The following KHDRBS2 variants were observed in gnomAD, a reference collection of about 807,000 sequenced individuals.
KHDRBS2 encodes KH domain-containing, RNA-binding, signal transduction-associated protein 2.
In KHDRBS2, 26 loss-of-function variants were observed where a neutral mutation model predicts 44.3. That is an observed-to-expected ratio of 0.59 (90% confidence interval 0.43 to 0.81). The LOEUF is 0.81. KHDRBS2 is among the 40% of genes least tolerant of loss of function. The pLI is 0.00. For synonymous variants in KHDRBS2, 194 were observed against 151.1 expected (o/e 1.28, Z -2.08); for missense variants, 476 against 433.1 (o/e 1.10, Z -0.88).
At chr6:61,631,355 C>CA in the KHDRBS2 span, among the ~76,000 whole-genome samples, 2 of 127,332 alleles carry the variant, frequency 1.6e-5, no homozygotes, top group African/African-American at 5.9e-5. Context: ...CAGTGTGTTA[C>CA]ATTTTCTGGT....
intron 6 of KHDRBS2, among the ~76,000 whole-genome samples, chr6:61,772,718 C>G (rs1235304234): frequency 6.6e-6 from 1 of 151,842 alleles, no homozygotes; most frequent in East Asian, 1.9e-4. Flanking sequence ...TATACATGTG[C>G]CACGCTGGTG....
chr6:61,898,826 G>T lies in KHDRBS2; in HGVS notation c.611+2418C>A, dbSNP rs374637801. On this transcript the variant is annotated intron_variant, in intron 5 of 8. Coordinates refer to ENST00000281156, the MANE Select transcript of KHDRBS2 (RefSeq NM_152688.4). ...TATCATACTTACTTAATACTTTTAA[G>T]GGAGGTATTTAGGAGCAATAGGGAG... is the stretch of plus-strand genomic sequence containing the variant. Among the ~76,000 whole-genome samples, 36 of 151,972 alleles carry T rather than the reference G, an allele frequency of 2.4e-4. No homozygotes were observed. The East Asian group carries it at 2.5e-3, about 11-fold the overall frequency.
chr6:62,169,148 T>C (rs1276461939), intron 2 of KHDRBS2, among the ~76,000 whole-genome samples: 2 of 99,782 alleles, frequency 2.0e-5, no homozygotes, highest in Non-Finnish European at 4.2e-5. Context: ...CATATATGTG[T>C]GTATATATAC....
the KHDRBS2 span, among the ~76,000 whole-genome samples, chr6:61,599,462 C>T: frequency 0.053 from 3,716 of 69,826 alleles, 71 homozygotes; most frequent in Middle Eastern, 0.25. Context: ...GAAGATGTAG[C>T]CCCCCCAAAA....
In KHDRBS2 at chr6:61,744,404, G is replaced by A. The variant is rs1776587416; in HGVS notation, c.811-11640C>T. 2.0e-5 allele frequency among the ~76,000 whole-genome samples: 3 copies of A among 152,120 alleles called. No homozygotes were observed. The South Asian group carries it at 6.2e-4, about 31-fold the overall frequency. On this transcript the variant is annotated intron_variant, in intron 6 of 8. Transcript: ENST00000281156. ...CAAACCTGCTCTTACTTTGGGGATA[G>A]ATGCTATCCATTCTTTATGTTACTA...
intron 2 of KHDRBS2, among the ~76,000 whole-genome samples, chr6:62,075,711 C>CT (rs1285971884): frequency 6.6e-6 from 1 of 151,844 alleles, no homozygotes; most frequent in Non-Finnish European, 1.5e-5. Context: ...TCATCCCAGG[C>CT]TTTATGCCAT....
At chr6:61,775,861 T>C (rs9444960) in intron 6 of KHDRBS2, among the ~76,000 whole-genome samples, 98,256 of 152,020 alleles carry the variant, frequency 0.65, 32,563 homozygotes, top group African/African-American at 0.8. Context: ...AGAACAAAGC[T>C]GGAGGCAACA....
At chr6:61,725,579 C>A (rs1773416437) in intron 7 of KHDRBS2, among the ~76,000 whole-genome samples, 1 of 151,436 alleles carries the variant, frequency 6.6e-6, no homozygotes, top group South Asian at 2.1e-4. Context: ...AGAAAAGAAT[C>A]AAATAAACAC....
chr6:62,042,661 A>G (rs960475623), intron 3 of KHDRBS2, among the ~76,000 whole-genome samples: 1 of 152,058 alleles, frequency 6.6e-6, no homozygotes, highest in African/African-American at 2.4e-5. Flanking sequence ...TCACACCCAT[A>G]TTGCCCACTA....
intron 1 of KHDRBS2, among the ~76,000 whole-genome samples, chr6:62,223,284 G>C (rs1211314777): frequency 6.6e-6 from 1 of 152,212 alleles, no homozygotes; most frequent in Non-Finnish European, 1.5e-5. Flanking sequence ...TGAAGCTATG[G>C]TGCGAGCTCT....
At chr6:61,806,041 T>C (rs1787106994) in intron 6 of KHDRBS2, among the ~76,000 whole-genome samples, 1 of 152,218 alleles carries the variant, frequency 6.6e-6, no homozygotes, top group Non-Finnish European at 1.5e-5. Context: ...TATTCACTGA[T>C]GCTGTGGCAA....
intron 6 of KHDRBS2, among the ~76,000 whole-genome samples, chr6:61,842,675 C>A (rs1259075778): frequency 6.6e-6 from 1 of 152,090 alleles, no homozygotes; most frequent in Non-Finnish European, 1.5e-5. Context: ...TTATGAAAAA[C>A]AATCAGGCAG....
intron 4 of KHDRBS2, among the ~76,000 whole-genome samples, chr6:61,965,674 T>C (rs898293307): frequency 1.3e-5 from 2 of 151,752 alleles, no homozygotes; most frequent in Non-Finnish European, 2.9e-5. Flanking sequence ...TTCCAAAGAA[T>C]CATAAATAAA....
intron 1 of KHDRBS2, among the ~76,000 whole-genome samples, chr6:62,256,986 C>T (rs541025783): frequency 3.1e-4 from 47 of 152,220 alleles, no homozygotes; most frequent in African/African-American, 1.1e-3. Flanking sequence ...TAAGCACATC[C>T]TATGCCATGT....
chr6:61,748,278 C>A (rs1042452161), intron 6 of KHDRBS2, among the ~76,000 whole-genome samples: 1 of 152,138 alleles, frequency 6.6e-6, no homozygotes, highest in African/African-American at 2.4e-5. Flanking sequence ...CGTGAGCCAC[C>A]ACACCCAGAC....
intron 6 of KHDRBS2, among the ~76,000 whole-genome samples, chr6:61,736,210 CTT>C: frequency 4.2e-5 from 1 of 23,948 alleles, no homozygotes; most frequent in Middle Eastern, 0.031. Context: ...TTTTACTTTA[CTT>C]CACACACACA....
At position 62,142,635 on chromosome 6, in the gene KHDRBS2, AG is replaced by A. The variant is rs1320073815; in HGVS notation, c.219+34549del. Among the ~76,000 whole-genome samples the A allele has an allele frequency of 9.9e-5, 15 of 152,112 alleles. No individual in the cohort carries two copies. In the South Asian group the frequency reaches 1.2e-3, roughly 13 times the overall value. The stretch of plus-strand genomic sequence containing the variant: ...CGTTTGAAAAAATTTCATGATAAAG[AG>A]GATATAGGACTACTTTAAGTCCCGA... On this transcript the variant is annotated intron_variant, in intron 2 of 8. Transcript: ENST00000281156.
chr6:61,607,965 G>A, the KHDRBS2 span, among the ~76,000 whole-genome samples: 9 of 152,320 alleles, frequency 5.9e-5, no homozygotes, highest in African/African-American at 9.6e-5. Context: ...TGGGATTACA[G>A]GTGTGAGACA....
intron 3 of KHDRBS2, among the ~76,000 whole-genome samples, chr6:61,978,998 T>C (rs1367128629): frequency 2.6e-5 from 4 of 152,104 alleles, no homozygotes; most frequent in Non-Finnish European, 4.4e-5. Flanking sequence ...AAGAGACTTT[T>C]CCTAGTATTG....
Sources: allele counts gnomAD v4.1 joint callset (sites outside exome capture counted in the v4.1 genomes callset), GRCh38; gene constraint gnomAD v4.1.1; transcripts MANE v1.5; gene names NCBI Gene and HGNC (gene_info 2026-07-23, HGNC 2026-07-21).